The following ARHGEF1 variants were observed in gnomAD, a reference collection of about 807,000 sequenced individuals.
The protein encoded by ARHGEF1 is Rho guanine nucleotide exchange factor 1.
Under a neutral mutation model 119.7 loss-of-function variants are expected in ARHGEF1, and 40 were observed. That is an observed-to-expected ratio of 0.33 (90% confidence interval 0.26 to 0.44). The LOEUF is 0.44. ARHGEF1 is among the 20% of genes least tolerant of loss of function. ARHGEF1 has a pLI of 1.00. For missense variants in ARHGEF1, 976 were observed against 1,268.3 expected (o/e 0.77, Z 3.50); for synonymous variants, 494 against 521.0 (o/e 0.95, Z 0.71).
intron 4 of ARHGEF1, among the ~76,000 whole-genome samples, chr19:41,891,554 G>C (rs2074376990): frequency 6.6e-6 from 1 of 152,222 alleles, no homozygotes; most frequent in African/African-American, 2.4e-5. Context: ...AAAGTGCTGG[G>C]ATTACAGGTG....
At position 41,915,963 on chromosome 19, in the gene ARHGEF1, C is replaced by G. The variant is rs376210275; in HGVS notation, c.1866-7129C>G. ...CTCCCCCCCGCCGGCCGGCGTGGTG[C>G]GGATGGGTACTCCAGGCAAGCTTTA... On this transcript the variant is annotated intron_variant, in intron 18 of 20. Coordinates refer to the ARHGEF1 transcript ENST00000599589. Among the ~76,000 whole-genome samples the G allele has an allele frequency of 1.1e-4, 17 of 150,720 alleles. No homozygotes were observed. In the East Asian group the frequency reaches 1.8e-3, roughly 16 times the overall value.
At chr19:41,893,244 A>T in intron 7 of ARHGEF1, 30 bp from the exon 8 acceptor site, 2 of 1,612,264 alleles carry the variant, frequency 1.2e-6, no homozygotes, top group Non-Finnish European at 1.7e-6. Flanking sequence ...CCTAGCAAAT[A>T]TGTCACAAAC....
In ARHGEF1 at chr19:41,907,130, G is replaced by T; in HGVS notation, c.*43G>T. ...GCCTTTTGCAAGAAGGAGAGGAATG[G>T]GGGAGAGGACGTGAGGGACCACCCC... is the stretch of plus-strand genomic sequence containing the variant. On this transcript the variant is annotated 3_prime_UTR_variant, in exon 29 of 29. Transcript: ENST00000354532. 1 of 1,530,430 alleles carries T rather than the reference G, an allele frequency of 6.5e-7. No homozygotes were observed. The highest frequency in any genetic ancestry group is 1.4e-5 in the African/African-American group (1 of 72,900). The allele number at this position is 1,530,430 out of a possible 1,614,324, so 94.8% of individuals were successfully genotyped here.
chr19:41,923,918 G>T (rs1599681088), intron 1 of ARHGEF1, among the ~76,000 whole-genome samples: 1 of 64,772 alleles, frequency 1.5e-5, no homozygotes, highest in African/African-American at 6.8e-5. Flanking sequence ...TGTGCTGGGG[G>T]TGTGTGTGGG....
Position 41,888,061 on chromosome 19 carries a change from C to T in ARHGEF1, c.-19-3C>T, listed in dbSNP as rs1376565046. 3.7e-6 allele frequency: 6 copies of T among 1,612,572 alleles called. No individual in the cohort carries two copies. In the Admixed American group the frequency reaches 6.7e-5, roughly 18 times the overall value. On this transcript the variant is annotated splice_region_variant and splice_polypyrimidine_tract_variant and intron_variant, in intron 1 of 28. Coordinates refer to ENST00000354532, the MANE Select transcript of ARHGEF1 (RefSeq NM_004706.4). This position sits in a 1 kb window ranked among gnomAD's most constrained non-coding sequence, Gnocchi z 5.1. ...CTAACCACAGCCCCTCCTCTTCCTC[C>T]AGCCCTGCAGAGCCCAGGGAGATGG...
chr19:41,910,669 C>A (rs868916370), downstream of ARHGEF1, among the ~76,000 whole-genome samples: 4 of 152,290 alleles, frequency 2.6e-5, no homozygotes, highest in African/African-American at 9.6e-5. This position sits in a 1 kb window ranked among gnomAD's most constrained non-coding sequence, Gnocchi z 4.4. Flanking sequence ...CCTGTGTCCC[C>A]TCCACCCCAT....
chr19:41,887,244 G>A (rs2074307458), intron 1 of ARHGEF1, among the ~76,000 whole-genome samples: 2 of 152,094 alleles, frequency 1.3e-5, no homozygotes, highest in South Asian at 4.1e-4. Flanking sequence ...CAGTTCTGGA[G>A]GAAGGGAAAG....
rs543334666 is a variant in ARHGEF1 at position 41,917,415 on chromosome 19, G to A, written c.1866-5677G>A. On this transcript the variant is annotated intron_variant, in intron 18 of 20. Coordinates refer to the ARHGEF1 transcript ENST00000599589. This position sits in a 1 kb window ranked among gnomAD's most constrained non-coding sequence, Gnocchi z 4.8. ...TTGATTTCTCTAAGCTGCGCCGGCCGCCTCGGGAGCCGCCTCGGGCCTCGC... is the reference window on the plus strand; with the variant it reads ...TTGATTTCTCTAAGCTGCGCCGGCCACCTCGGGAGCCGCCTCGGGCCTCGC... Among the ~76,000 whole-genome samples the A allele has an allele frequency of 3.3e-5, 5 of 151,892 alleles. No individual in the cohort carries two copies. The highest frequency in any genetic ancestry group is 7.2e-5 in the African/African-American group (3 of 41,388).
At position 41,892,043 on chromosome 19, in the gene ARHGEF1, G is replaced by GGC; in HGVS notation, c.244_245insGC (p.Asp82GlyfsTer68). 6.2e-7 allele frequency: 1 copy of GGC among 1,610,280 alleles called. No individual in the cohort carries two copies. Among genetic ancestry groups the GGC allele is most frequent in the Non-Finnish European group, 8.5e-7 (1 of 1,177,432 alleles). ...CCCCCAGCTTTGCTGTCTGCATGCCGACATGCTGGGCTCACTGGGCCCCAA... is the reference window on the plus strand; with the variant it reads ...CCCCCAGCTTTGCTGTCTGCATGCCGGCACATGCTGGGCTCACTGGGCCCCAA... On this transcript the variant is annotated frameshift_variant, in exon 5 of 29. Transcript: ENST00000354532. LOFTEE classifies it high-confidence loss of function. The surrounding 1 kb of genome is among the most constrained non-coding windows in gnomAD (Gnocchi z 6.3).
Position 41,905,114 on chromosome 19 carries a change from G to GGA in ARHGEF1, c.2250-59_2250-58dup. On this transcript the variant is annotated intron_variant, in intron 23 of 28. Transcript: ENST00000354532. This position sits in a 1 kb window ranked among gnomAD's most constrained non-coding sequence, Gnocchi z 6.4. The stretch of plus-strand genomic sequence containing the variant: ...GTTCCCAGGGACAGGAGGGCTGTGG[G>GGA]GAGGCCCTGGCATAGGGTCTGGGGG... The GGA allele has an allele frequency of 6.2e-7, 1 of 1,608,798 alleles. No individual in the cohort carries two copies.
In ARHGEF1 at chr19:41,904,136, G is replaced by A; in HGVS notation, c.1993+26G>A. The A allele has an allele frequency of 6.2e-7, 1 of 1,614,202 alleles. No homozygotes were observed. Among genetic ancestry groups the A allele is most frequent in the Non-Finnish European group, 8.5e-7 (1 of 1,180,012 alleles). On this transcript the variant is annotated intron_variant, in intron 21 of 28. Coordinates refer to ENST00000354532, the MANE Select transcript of ARHGEF1 (RefSeq NM_004706.4). The surrounding 1 kb of genome is among the most constrained non-coding windows in gnomAD (Gnocchi z 8.4). The stretch of plus-strand genomic sequence containing the variant: ...GTGAGTGCCAGAGCAGCTGCCTAGT[G>A]CAGGGTGTTGGGGCAGTGAGCCAAG...
chr19:41,898,364 G>A (rs954974563), intron 13 of ARHGEF1, 78 bp from the exon 14 acceptor site: 1 of 1,545,058 alleles, frequency 6.5e-7, no homozygotes, highest in Non-Finnish European at 8.7e-7. Context: ...CACTGACCGG[G>A]GTTGAACGCT....
downstream of ARHGEF1, among the ~76,000 whole-genome samples, chr19:41,911,922 C>T (rs1266722886): frequency 6.6e-6 from 1 of 151,862 alleles, no homozygotes; most frequent in East Asian, 1.9e-4. Flanking sequence ...TGCACATGGA[C>T]CCTACGCTGA....
chr19:41,909,791 T>G (rs2074742186), downstream of ARHGEF1: 3 of 1,454,674 alleles, frequency 2.1e-6, no homozygotes, highest in South Asian at 2.7e-5. The surrounding 1 kb of genome is among the most constrained non-coding windows in gnomAD (Gnocchi z 5.2). Context: ...TGCCCCAGGA[T>G]GCAGAGGGGG....
Position 41,917,831 on chromosome 19 carries a change from G to A in ARHGEF1, c.1866-5261G>A, listed in dbSNP as rs1568834064. ...CCATGCACAGCCCCAGCCATGGGAC[G>A]GCTGCCAGCCCCACCCATCTGTTGC... On this transcript the variant is annotated intron_variant, in intron 18 of 20. Transcript: ENST00000599589. The surrounding 1 kb of genome is among the most constrained non-coding windows in gnomAD (Gnocchi z 4.8). Among the ~76,000 whole-genome samples the A allele has an allele frequency of 1.3e-5, 2 of 151,638 alleles. No individual in the cohort carries two copies. Among genetic ancestry groups the A allele is most frequent in the Admixed American group, 6.6e-5 (1 of 15,244 alleles).
chr19:41,895,087 A>T (rs1555847258), intron 11 of ARHGEF1, among the ~76,000 whole-genome samples: 1 of 126,834 alleles, frequency 7.9e-6, no homozygotes. Context: ...CCTGGGTCTG[A>T]GGGAGGAGGG....
chr19:41,906,552 A>C lies in ARHGEF1; in HGVS notation c.2587A>C (p.Ser863Arg). ...TGGGGTCCCAGGGGGCGGCCCCCTG[A>C]GCCCAGCACGGACCCAGGAAATCCA... ...GDGVPGGGPL[S>R]PARTQEIQEN... The change falls in exon 27 of 29, where the codon AGC becomes CGC. Residue 863 changes from serine (S) to arginine (R), a missense_variant. Physicochemically the swap from Ser to Arg is moderately radical, Grantham distance 110. Around this residue, in one of 3 missense-constraint regions of ARHGEF1, gnomAD observed 171 missense variants for 180.6 expected, o/e 0.95. Coordinates refer to ENST00000354532, the MANE Select transcript of ARHGEF1 (RefSeq NM_004706.4). The surrounding 1 kb of genome is among the most constrained non-coding windows in gnomAD (Gnocchi z 4.5). 1 of 1,588,592 alleles carries C rather than the reference A, an allele frequency of 6.3e-7. No individual in the cohort carries two copies. The highest frequency in any genetic ancestry group is 8.5e-7 in the Non-Finnish European group (1 of 1,173,574).
Position 41,888,393 on chromosome 19 carries a change from C to G in ARHGEF1, c.111+115C>G. On this transcript the variant is annotated intron_variant, in intron 3 of 28. Transcript: ENST00000354532. The surrounding 1 kb of genome is among the most constrained non-coding windows in gnomAD (Gnocchi z 5.1). ...CTTTTCCCACGGTCTGTCTCATCCTCTCATCTCCCTGGTACCTCCTTCCTC... is the reference window on the plus strand; with the variant it reads ...CTTTTCCCACGGTCTGTCTCATCCTGTCATCTCCCTGGTACCTCCTTCCTC... 1 of 1,031,710 alleles carries G rather than the reference C, an allele frequency of 9.7e-7. No individual in the cohort carries two copies. Among genetic ancestry groups the G allele is most frequent in the Non-Finnish European group, 1.4e-6 (1 of 695,174 alleles). The allele number at this position is 1,031,710 out of a possible 1,614,324, so 63.9% of individuals were successfully genotyped here.
At position 41,914,561 on chromosome 19, in the gene ARHGEF1, C is replaced by T. The variant is rs1285980920; in HGVS notation, c.1865+7758C>T. Among the ~76,000 whole-genome samples the T allele has an allele frequency of 3.7e-5, 3 of 80,102 alleles. 1 individual carries two copies. The East Asian group carries it at 1.8e-3, about 47-fold the overall frequency. 52.6% of individuals were successfully genotyped at this position (80,102 alleles called of 152,430 possible). Reference sequence around the variant, plus strand: ...CTATCCGTCTTTCCCTCCCCTTCCACCATCTCTGTCTCCGTCTCTCCCTCC... The same window carrying T: ...CTATCCGTCTTTCCCTCCCCTTCCATCATCTCTGTCTCCGTCTCTCCCTCC... On this transcript the variant is annotated intron_variant, in intron 18 of 20. Transcript: ENST00000599589.
Sources: gnomAD v4.1 joint callset for allele counts (sites outside exome capture counted in the v4.1 genomes callset) on GRCh38, gnomAD v4.1.1 for gene constraint, gnomAD v4.1.1 regional missense constraint, Gnocchi (gnomAD v3.1) non-coding constraint, MANE v1.5 for transcripts, NCBI Gene and HGNC (gene_info 2026-07-23, HGNC 2026-07-21) for gene names.